RTL4: variants seen among roughly 807,000 people sequenced by gnomAD.
RTL4 encodes the protein retrotransposon Gag-like protein 4.
In RTL4, 4 loss-of-function variants were observed where a neutral mutation model predicts 5.3. The ratio of observed to expected loss-of-function variants is 0.75; its 90% CI spans 0.37 to 1.72. The LOEUF (loss-of-function observed/expected upper bound fraction) is 1.72, where lower values mean the gene tolerates loss of function less well. Ranked by LOEUF, RTL4 falls within the 40% of genes most tolerant of loss-of-function variation. RTL4 has a pLI of 0.04. For synonymous variants in RTL4, 98 were observed against 87.3 expected (o/e 1.12, Z -0.68); for missense variants, 260 against 227.1 (o/e 1.14, Z -0.93).
At chrX:112,168,693 G>A in the RTL4 span, among the ~76,000 whole-genome samples, 2 of 111,741 alleles carry the variant, frequency 1.8e-5, no homozygotes, top group African/African-American at 3.3e-5. Flanking sequence ...ACCCTATATG[G>A]TCTAAAAAGG....
chrX:112,415,434 A>G, the RTL4 span, among the ~76,000 whole-genome samples: 7 of 111,450 alleles, frequency 6.3e-5, no homozygotes, highest in Admixed American at 1.9e-4. Flanking sequence ...AATGTACCAT[A>G]ATTTATTTAT....
the RTL4 span, among the ~76,000 whole-genome samples, chrX:112,435,607 T>C: frequency 1.8e-5 from 2 of 111,234 alleles, no homozygotes; most frequent in Admixed American, 9.5e-5. Context: ...TTTGAGCTCA[T>C]TCTCAGTAGG....
chrX:112,426,345 A>G, the RTL4 span, among the ~76,000 whole-genome samples: 1 of 111,697 alleles, frequency 9.0e-6, no homozygotes, highest in African/African-American at 3.2e-5. Flanking sequence ...ATCCAGTAGT[A>G]TCAGTCCTCT....
chrX:112,429,520 T>G, the RTL4 span, among the ~76,000 whole-genome samples: 1 of 111,106 alleles, frequency 9.0e-6, no homozygotes, highest in Non-Finnish European at 1.9e-5. Flanking sequence ...CACTTATACC[T>G]AGGCATACAT....
chrX:112,152,377 A>G, the RTL4 span, among the ~76,000 whole-genome samples: 1 of 112,055 alleles, frequency 8.9e-6, no homozygotes, highest in Non-Finnish European at 1.9e-5. Context: ...GGAAGTTTGT[A>G]TAGTTGGGAG....
At chrX:112,205,760 A>G in the RTL4 span, among the ~76,000 whole-genome samples, 2 of 112,067 alleles carry the variant, frequency 1.8e-5, no homozygotes, top group Non-Finnish European at 3.8e-5. Flanking sequence ...TTTCACTAGT[A>G]TAGATCACAA....
At chrX:112,303,542 A>G in the RTL4 span, among the ~76,000 whole-genome samples, 23 of 90,440 alleles carry the variant, frequency 2.5e-4, no homozygotes, top group African/African-American at 5.6e-4. Context: ...TCACTCATAG[A>G]TGGGAATTGA....
chrX:112,436,743 T>A, the RTL4 span, among the ~76,000 whole-genome samples: 19 of 110,553 alleles, frequency 1.7e-4, no homozygotes, highest in Non-Finnish European at 3.4e-4. Flanking sequence ...ATGTGAGAAC[T>A]ATAACCCAAA....
At chrX:112,098,677 T>C in the RTL4 span, among the ~76,000 whole-genome samples, 1 of 111,663 alleles carries the variant, frequency 9.0e-6, no homozygotes, top group African/African-American at 3.3e-5. Context: ...TGATATCTCA[T>C]TGTGGTTTTG....
At chrX:112,161,005 A>G in the RTL4 span, among the ~76,000 whole-genome samples, 2 of 111,301 alleles carry the variant, frequency 1.8e-5, no homozygotes, top group Admixed American at 1.9e-4. Context: ...GGGTGACTAT[A>G]GTCAATAATA....
At chrX:112,455,406 A>G in exon 1 of RTL4, 1 of 1,211,280 alleles carries the variant, frequency 8.3e-7, no homozygotes. Context: ...CAGAGCTCCT[A>G]CAGTCAGAGA....
chrX:112,380,232 C>T, the RTL4 span, among the ~76,000 whole-genome samples: 1 of 109,306 alleles, frequency 9.1e-6, no homozygotes, highest in Non-Finnish European at 1.9e-5. Context: ...CTGCAAGCTC[C>T]GCCTCCCGGG....
chrX:112,240,929 T>G, the RTL4 span, among the ~76,000 whole-genome samples: 1 of 111,229 alleles, frequency 9.0e-6, no homozygotes, highest in Non-Finnish European at 1.9e-5. Context: ...TTTGGTTTTC[T>G]GTCCTTGTGA....
chrX:112,156,827 A>T, the RTL4 span, among the ~76,000 whole-genome samples: 2 of 111,584 alleles, frequency 1.8e-5, no homozygotes, highest in Non-Finnish European at 3.8e-5. Context: ...CTGCAATACC[A>T]CCAATATCAC....
chrX:112,423,602 C>G, the RTL4 span, among the ~76,000 whole-genome samples: 26 of 111,053 alleles, frequency 2.3e-4, no homozygotes, highest in Non-Finnish European at 4.5e-4. Flanking sequence ...AAATCCCATA[C>G]TGACCAACTG....
chrX:112,446,479 T>C, the RTL4 span, among the ~76,000 whole-genome samples: 1 of 112,175 alleles, frequency 8.9e-6, no homozygotes, highest in Admixed American at 9.5e-5. Context: ...TCTATATTTC[T>C]ATCTGGTTAA....
chrX:112,253,279 C>A, the RTL4 span, among the ~76,000 whole-genome samples: 2 of 95,829 alleles, frequency 2.1e-5, no homozygotes, highest in Non-Finnish European at 4.0e-5. Context: ...CTATTGCAAG[C>A]TGTTCACTGT....
the RTL4 span, among the ~76,000 whole-genome samples, chrX:112,161,844 C>CCTTCCTTCCTTCCTTT: frequency 6.2e-4 from 25 of 40,037 alleles, 1 homozygote; most frequent in African/African-American, 1.2e-3. Context: ...TTCCTTCCTT[C>CCTTCCTTCCTTCCTTT]CTTTCTTTCT....
At chrX:112,387,449 A>G in the RTL4 span, among the ~76,000 whole-genome samples, 7 of 107,681 alleles carry the variant, frequency 6.5e-5, no homozygotes, top group East Asian at 2.9e-4. Flanking sequence ...TCTCAGCACC[A>G]TCCTGGAGCC....
Sources: gnomAD v4.1 joint callset for allele counts (sites outside exome capture counted in the v4.1 genomes callset) on GRCh38, gnomAD v4.1.1 for gene constraint, MANE v1.5 for transcripts, NCBI Gene and HGNC (gene_info 2026-07-23, HGNC 2026-07-21) for gene names.